FRMD8: variants seen among roughly 807,000 people sequenced by gnomAD.
FRMD8 encodes the protein FERM domain containing 8.
A neutral mutation model predicts 54.2 loss-of-function variants in FRMD8; 37 were observed. The observed-to-expected ratio is 0.68, with a 90% CI of 0.53 to 0.90. FRMD8 has a LOEUF of 0.90. Ranked by LOEUF, FRMD8 falls within the 40% of genes least tolerant of loss-of-function variation. The pLI is 0.00. For missense variants in FRMD8, 585 were observed against 653.7 expected (o/e 0.89, Z 1.15); for synonymous variants, 246 against 286.9 (o/e 0.86, Z 1.44).
chr11:65,402,345 C>G (rs1856101211), intron 9 of FRMD8, among the ~76,000 whole-genome samples: 1 of 150,338 alleles, frequency 6.7e-6, no homozygotes, highest in South Asian at 2.1e-4. Context: ...CAGAGTGAGA[C>G]TCTGTCTCAA....
intron 7 of FRMD8, among the ~76,000 whole-genome samples, chr11:65,399,379 G>T (rs546010776): frequency 1.3e-5 from 2 of 152,052 alleles, no homozygotes; most frequent in Non-Finnish European, 2.9e-5. Context: ...AAAGGTCTCC[G>T]CCTGGACAGT....
chr11:65,383,947 T>A (rs1172770086), upstream of FRMD8, among the ~76,000 whole-genome samples: 4 of 152,158 alleles, frequency 2.6e-5, no homozygotes, highest in East Asian at 7.7e-4. Flanking sequence ...CAACCTCTTC[T>A]GTGGGCCTTG....
chr11:65,379,190 C>A, the FRMD8 span: 2 of 649,144 alleles, frequency 3.1e-6, no homozygotes, highest in Non-Finnish European at 5.2e-6. Context: ...CTGCCTTTTG[C>A]CCCCTCTGTT....
intron 10 of FRMD8, among the ~76,000 whole-genome samples, chr11:65,407,618 T>C (rs190235647): frequency 0.011 from 1,580 of 150,058 alleles, 31 homozygotes; most frequent in African/African-American, 0.037. Context: ...TGGCCAGGCG[T>C]GGTGGCTCAC....
upstream of FRMD8, chr11:65,381,782 T>C: frequency 8.9e-7 from 1 of 1,129,528 alleles, no homozygotes. Flanking sequence ...GGTCTCAAAC[T>C]CCTGGGCTCA....
intron 10 of FRMD8, among the ~76,000 whole-genome samples, chr11:65,410,195 T>G (rs1856298425): frequency 6.6e-6 from 1 of 151,962 alleles, no homozygotes; most frequent in Non-Finnish European, 1.5e-5. Context: ...GAAACCTGTC[T>G]CTACCAAAAA....
chr11:65,394,888 T>A (rs1855916821), intron 6 of FRMD8, among the ~76,000 whole-genome samples: 1 of 152,246 alleles, frequency 6.6e-6, no homozygotes, highest in South Asian at 2.1e-4. Context: ...GGATTGAGTC[T>A]GCCCTGCCAA....
intron 7 of FRMD8, among the ~76,000 whole-genome samples, chr11:65,397,654 GTCC>G (rs1339758059): frequency 6.6e-6 from 1 of 152,222 alleles, no homozygotes; most frequent in Non-Finnish European, 1.5e-5. Context: ...AGATGGCGTT[GTCC>G]TCCGCTGAGC....
the FRMD8 span, among the ~76,000 whole-genome samples, chr11:65,369,414 AT>A: frequency 6.3e-4 from 92 of 145,324 alleles, no homozygotes; most frequent in South Asian, 3.7e-3. Context: ...ATGAGACCCC[AT>A]TTTTACAAAA....
chr11:65,399,685 C>G, intron 7 of FRMD8, 51 bp from the exon 8 acceptor site: 1 of 1,602,842 alleles, frequency 6.2e-7, no homozygotes, highest in Non-Finnish European at 8.5e-7. Context: ...CGAGCAGCCT[C>G]CCTCAGCATT....
Position 65,394,107 on chromosome 11 carries a change from A to G in FRMD8, c.414+8A>G. 1.2e-6 allele frequency: 2 copies of G among 1,613,454 alleles called. No homozygotes were observed. The highest frequency in any genetic ancestry group is 1.7e-6 in the Non-Finnish European group (2 of 1,179,520). ...AAGCGGCGGGAGCTCCAGGTGAGGC[A>G]GGAGCCCTGGTGGCCCCACCAGGCC... On this transcript the variant is annotated splice_region_variant and intron_variant, in intron 5 of 10. Coordinates refer to ENST00000317568, the MANE Select transcript of FRMD8 (RefSeq NM_031904.5).
In FRMD8 at chr11:65,394,061, C is replaced by T. The variant is rs1441008308; in HGVS notation, c.376C>T (p.Arg126Ter). 3.1e-6 allele frequency: 5 copies of T among 1,614,148 alleles called. No homozygotes were observed. The highest frequency in any genetic ancestry group is 4.2e-6 in the Non-Finnish European group (5 of 1,179,988). Residue 126 changes from arginine (R) to a stop codon, truncating the protein, a stop_gained, in exon 5 of 11, where the codon CGA becomes TGA. Transcript: ENST00000317568. LOFTEE classifies it high-confidence loss of function. ...CCCAGATGAGCCTTTCCTGCAGTTC[C>T]GAAGGAACGTGTTCTTCCCAAAGCG... ...VAMDEPFLQF[R>*]RNVFFPKRRE...
chr11:65,393,494 C>A, intron 3 of FRMD8, 79 bp from the exon 4 acceptor site: 4 of 1,043,638 alleles, frequency 3.8e-6, no homozygotes, highest in Non-Finnish European at 5.9e-6. Flanking sequence ...TGTCGTCATG[C>A]TGTGCGGTGT....
At chr11:65,369,421 C>CAAA in the FRMD8 span, among the ~76,000 whole-genome samples, 1 of 124,940 alleles carries the variant, frequency 8.0e-6, no homozygotes, top group Non-Finnish European at 1.7e-5. Context: ...CCCATTTTTA[C>CAAA]AAAAAAAAAA....
At chr11:65,391,630 C>T (rs1855848158) in intron 3 of FRMD8, among the ~76,000 whole-genome samples, 1 of 152,134 alleles carries the variant, frequency 6.6e-6, no homozygotes, top group Non-Finnish European at 1.5e-5. Context: ...TCTGCCTCAG[C>T]CTCCCGAGTA....
At chr11:65,396,568 T>C (rs1855959205) in intron 6 of FRMD8, among the ~76,000 whole-genome samples, 1 of 152,126 alleles carries the variant, frequency 6.6e-6, no homozygotes. Context: ...GTACAGCTGC[T>C]CTCGGCAGAA....
At chr11:65,401,574 C>T (rs1256415000) in intron 9 of FRMD8, among the ~76,000 whole-genome samples, 1 of 151,058 alleles carries the variant, frequency 6.6e-6, no homozygotes, top group Non-Finnish European at 1.5e-5. Context: ...GACCCCACCC[C>T]TGCGCCTCCC....
chr11:65,411,600 T>A lies in FRMD8; in HGVS notation c.*240T>A. The stretch of plus-strand genomic sequence containing the variant: ...GCCTGCCCTCCCTTCCCCCGGATGC[T>A]GGGCCCTGCTGCTCTCTCAGGACCA... On this transcript the variant is annotated 3_prime_UTR_variant, in exon 11 of 11. Transcript: ENST00000317568. 1 of 415,878 alleles carries A rather than the reference T, an allele frequency of 2.4e-6. No homozygotes were observed. Among genetic ancestry groups the A allele is most frequent in the Non-Finnish European group, 4.3e-6 (1 of 230,662 alleles). 25.8% of individuals were successfully genotyped at this position (415,878 alleles called of 1,614,324 possible).
Position 65,386,670 on chromosome 11 carries a change from G to A in FRMD8, c.-92G>A, listed in dbSNP as rs538373112. ...CCGGTCAGCTGCGTCCTTAGCGGGA[G>A]CCCGAGTGCGGGCGGTGGCGGGCTT... On this transcript the variant is annotated 5_prime_UTR_variant, in exon 1 of 11. Transcript: ENST00000317568. The A allele has an allele frequency of 7.4e-6, 2 of 268,836 alleles. No homozygotes were observed. The highest frequency in any genetic ancestry group is 2.2e-5 in the African/African-American group (1 of 45,016). The allele number at this position is 268,836 out of a possible 1,614,324, so 16.7% of individuals were successfully genotyped here. A position where few individuals can be genotyped will look rare whatever the true frequency, so the allele number is the denominator to read the frequency against.
Sources: allele counts gnomAD v4.1 joint callset (sites outside exome capture counted in the v4.1 genomes callset), GRCh38; gene constraint gnomAD v4.1.1; transcripts MANE v1.5; gene names NCBI Gene and HGNC (gene_info 2026-07-23, HGNC 2026-07-21).